Variants in NCAPH observed in about 807,000 individuals in gnomAD.
The protein encoded by NCAPH is non-SMC condensin I complex subunit H.
A neutral mutation model predicts 85.5 loss-of-function variants in NCAPH; 38 were observed. That is an observed-to-expected ratio of 0.44 (90% CI 0.34 to 0.58). NCAPH has a LOEUF of 0.58. NCAPH is among the 20% of genes least tolerant of loss of function. NCAPH has a pLI of 0.01. For missense variants in NCAPH, 789 were observed against 916.6 expected (o/e 0.86, Z 1.80); for synonymous variants, 301 against 335.1 (o/e 0.90, Z 1.11).
At chr2:96,351,328 A>G (rs1001021119) in intron 6 of NCAPH, among the ~76,000 whole-genome samples, 11 of 152,160 alleles carry the variant, frequency 7.2e-5, no homozygotes, top group African/African-American at 2.4e-4. Flanking sequence ...TTATCTCCTG[A>G]CTATAACCAG....
chr2:96,337,829 T>G (rs1037364506), intron 1 of NCAPH, among the ~76,000 whole-genome samples: 33 of 152,176 alleles, frequency 2.2e-4, no homozygotes, highest in African/African-American at 8.0e-4. Flanking sequence ...CAGGCTCAGC[T>G]TCCTGAGTAG....
chr2:96,355,645 GTT>G (rs1235513133), intron 9 of NCAPH, among the ~76,000 whole-genome samples: 3 of 136,918 alleles, frequency 2.2e-5, no homozygotes, highest in African/African-American at 2.7e-5. Context: ...ATGTTTTTTT[GTT>G]TTTTTTTTTT....
chr2:96,360,781 G>A, intron 12 of NCAPH, 71 bp downstream of exon 12: 1 of 1,570,056 alleles, frequency 6.4e-7, no homozygotes, highest in Non-Finnish European at 8.7e-7. Flanking sequence ...GTTAGGCAGT[G>A]CCTTTGAGGA....
chr2:96,368,662 A>C (rs531155929), intron 15 of NCAPH, among the ~76,000 whole-genome samples: 5 of 152,290 alleles, frequency 3.3e-5, no homozygotes, highest in South Asian at 2.1e-4. Flanking sequence ...TCTCAAAAAA[A>C]AAACAAACAA....
At position 96,373,928 on chromosome 2, in the gene NCAPH, C is replaced by G. The variant is rs772160; in HGVS notation, c.*577C>G. ...CCTGGTTGTTATCCAGGATACACAC[C>G]TGTCAGTATAAGGCAGAAGATGCCT... On this transcript the variant is annotated 3_prime_UTR_variant, in exon 18 of 18. Transcript: ENST00000240423. 10 of 152,436 alleles carry G rather than the reference C, an allele frequency of 6.6e-5. No homozygotes were observed. Among genetic ancestry groups the G allele is most frequent in the African/African-American group, 2.4e-4 (10 of 41,560 alleles). 9.4% of individuals were successfully genotyped at this position (152,436 alleles called of 1,614,324 possible). A position where few individuals can be genotyped will look rare whatever the true frequency, so the allele number is the denominator to read the frequency against.
At chr2:96,367,206 T>G (rs1558803234) in intron 14 of NCAPH, 51 bp from the exon 15 acceptor site, 3 of 1,341,312 alleles carry the variant, frequency 2.2e-6, no homozygotes. Context: ...TGAATTATGG[T>G]AAAAGTTTCT....
Position 96,342,101 on chromosome 2 carries a change from G to C in NCAPH, c.324G>C (p.Thr108=). ...CCAAGTTTACAAACACGCAGATTAC[G>C]GAACATTACTCCACCTGTATCAAAC... ...TIPKFTNTQI[T]EHYSTCIKLS... is the part of the protein sequence containing the mutation. The change falls in exon 3 of 18, where the codon ACG becomes ACC. Residue 108 remains threonine (T), a synonymous_variant. Transcript: ENST00000240423. 6.2e-7 allele frequency: 1 copy of C among 1,612,886 alleles called. No individual in the cohort carries two copies. Among genetic ancestry groups the C allele is most frequent in the Non-Finnish European group, 8.5e-7 (1 of 1,178,898 alleles).
chr2:96,349,509 G>T (rs1267361736), intron 6 of NCAPH, among the ~76,000 whole-genome samples: 1 of 152,026 alleles, frequency 6.6e-6, no homozygotes, highest in African/African-American at 2.4e-5. Context: ...AGCCACCCAA[G>T]TAGCTGGGAT....
At chr2:96,356,860 C>A (rs138194465) in intron 9 of NCAPH, among the ~76,000 whole-genome samples, 2 of 151,006 alleles carry the variant, frequency 1.3e-5, no homozygotes, top group Admixed American at 6.6e-5. Flanking sequence ...AGATGCCTCA[C>A]GTTATTGGTC....
chr2:96,368,824 T>C, intron 15 of NCAPH, 148 bp from the exon 16 acceptor site: 1 of 654,862 alleles, frequency 1.5e-6, no homozygotes, highest in Non-Finnish European at 2.5e-6. Flanking sequence ...ACTGGTTCTC[T>C]TTGTAGATCC....
At chr2:96,343,706 T>A (rs2064326217) in intron 5 of NCAPH, among the ~76,000 whole-genome samples, 1 of 139,984 alleles carries the variant, frequency 7.1e-6, no homozygotes, top group Admixed American at 7.2e-5. Context: ...TGGAGTTTTG[T>A]TTTTTTTTTT....
At position 96,353,634 on chromosome 2, in the gene NCAPH, A is replaced by G. The variant is rs1213516617; in HGVS notation, c.1002+237A>G. Among the ~76,000 whole-genome samples the G allele has an allele frequency of 2.0e-5, 3 of 152,314 alleles. No homozygotes were observed. In the East Asian group the frequency reaches 5.8e-4, roughly 29 times the overall value. On this transcript the variant is annotated intron_variant, in intron 8 of 17. Coordinates refer to ENST00000240423, the MANE Select transcript of NCAPH (RefSeq NM_015341.5). ...TCAGCTTTATGTCCTCTCTTCTGCT[A>G]TCCTAGGGTAAGGCGGCCCTGGCAT...
chr2:96,338,445 A>G (rs1289425988), intron 1 of NCAPH, among the ~76,000 whole-genome samples: 1 of 152,168 alleles, frequency 6.6e-6, no homozygotes, highest in East Asian at 1.9e-4. Flanking sequence ...TTGGATGGTC[A>G]CTGTGATAGG....
intron 12 of NCAPH, among the ~76,000 whole-genome samples, chr2:96,363,843 A>T (rs1025887499): frequency 9.9e-5 from 15 of 151,760 alleles, no homozygotes; most frequent in Admixed American, 2.0e-4. Flanking sequence ...TTTTTTTTAA[A>T]GACAGGGTCT....
intron 15 of NCAPH, among the ~76,000 whole-genome samples, chr2:96,368,190 G>T (rs1394474581): frequency 6.6e-6 from 1 of 152,092 alleles, no homozygotes; most frequent in Non-Finnish European, 1.5e-5. Flanking sequence ...GTTGATTGAG[G>T]GCCCTGAGCT....
At chr2:96,355,229 G>A (rs1365302548) in intron 9 of NCAPH, among the ~76,000 whole-genome samples, 1 of 152,142 alleles carries the variant, frequency 6.6e-6, no homozygotes, top group East Asian at 1.9e-4. Flanking sequence ...TGGAAGCAGG[G>A]TCTCACAACA....
chr2:96,353,606 G>A (rs2064479886), intron 8 of NCAPH, among the ~76,000 whole-genome samples: 1 of 152,194 alleles, frequency 6.6e-6, no homozygotes, highest in Non-Finnish European at 1.5e-5. Flanking sequence ...GTGAGTTCCA[G>A]GATCAGCTTT....
intron 10 of NCAPH, 46 bp from the exon 11 acceptor site, chr2:96,360,097 T>C (rs184845548): frequency 2.7e-6 from 3 of 1,092,634 alleles, no homozygotes; most frequent in Non-Finnish European, 4.2e-6. Context: ...GAGTAAATAG[T>C]TTAGGCCACA....
intron 17 of NCAPH, among the ~76,000 whole-genome samples, 179 bp from the exon 18 acceptor site, chr2:96,373,113 A>G (rs928148504): frequency 6.6e-6 from 1 of 152,206 alleles, no homozygotes; most frequent in Non-Finnish European, 1.5e-5. Flanking sequence ...TCATTTTGTT[A>G]TAACAAGGAT....
Sources: allele counts gnomAD v4.1 joint callset (sites outside exome capture counted in the v4.1 genomes callset), GRCh38; gene constraint gnomAD v4.1.1; transcripts MANE v1.5; gene names NCBI Gene and HGNC (gene_info 2026-07-23, HGNC 2026-07-21).